Variants in ATG4A observed in about 807,000 individuals in gnomAD.
ATG4A encodes autophagy related 4A cysteine peptidase, also known as cysteine protease ATG4A.
In ATG4A, 22 loss-of-function variants were observed where a neutral mutation model predicts 38.4. That is an observed-to-expected ratio of 0.57 (90% CI 0.41 to 0.82). The LOEUF is 0.82. Ranked by LOEUF, ATG4A falls within the 40% of genes least tolerant of loss-of-function variation. The pLI, the probability that ATG4A is intolerant of heterozygous loss-of-function variation, is 0.00. For synonymous variants in ATG4A, 86 were observed against 100.7 expected (o/e 0.85, Z 0.88); for missense variants, 220 against 290.0 (o/e 0.76, Z 1.75).
At chrX:108,131,761 C>T (rs1296653522) in intron 4 of ATG4A, among the ~76,000 whole-genome samples, 2 of 112,037 alleles carry the variant, frequency 1.8e-5, no homozygotes, top group South Asian at 7.5e-4. Flanking sequence ...TGTAAGTGAC[C>T]TAAAGGAAGT....
chrX:108,151,275 C>T (rs755719781), intron 10 of ATG4A, among the ~76,000 whole-genome samples: 3 of 111,846 alleles, frequency 2.7e-5, no homozygotes, highest in Admixed American at 1.9e-4. Flanking sequence ...GTCAGTATAC[C>T]AGTGACCAGG....
intron 9 of ATG4A, among the ~76,000 whole-genome samples, chrX:108,146,898 T>A (rs1485905267): frequency 2.7e-5 from 3 of 112,263 alleles, no homozygotes; most frequent in Non-Finnish European, 5.6e-5. Flanking sequence ...GCAGAGTCTC[T>A]AACATAGTGG....
At chrX:108,091,942 A>G (rs2031641730) in intron 1 of ATG4A, 106 bp downstream of exon 1, 1 of 1,133,925 alleles carries the variant, frequency 8.8e-7, no homozygotes, top group Non-Finnish European at 1.2e-6. Flanking sequence ...GCAGGGCAAG[A>G]GTTATGAGAG....
intron 7 of ATG4A, among the ~76,000 whole-genome samples, chrX:108,137,404 C>G (rs767392834): frequency 8.9e-6 from 1 of 112,560 alleles, no homozygotes; most frequent in Non-Finnish European, 1.9e-5. Flanking sequence ...GCAGAAAACA[C>G]AAAGTGTGTA....
In ATG4A at chrX:108,128,810, G is replaced by T. The variant is rs750481254; in HGVS notation, c.151G>T (p.Ala51Ser). 1.7e-6 allele frequency: 2 copies of T among 1,186,524 alleles called. No individual in the cohort carries two copies. Among genetic ancestry groups the T allele is most frequent in the Non-Finnish European group, 2.3e-6 (2 of 883,866 alleles). Reference protein sequence around the residue: ...EKSKLLSDISARLWFTYRRKF... With the variant: ...EKSKLLSDISSRLWFTYRRKF... ...ATCTAAGCTGTTGTCTGATATAAGTGCTCGTCTATGGTTTACATACAGAAG... is the reference window on the plus strand; with the variant it reads ...ATCTAAGCTGTTGTCTGATATAAGTTCTCGTCTATGGTTTACATACAGAAG... The change falls in exon 3 of 13, where the codon GCT becomes TCT. Residue 51 changes from alanine (A) to serine (S), a missense_variant. By Grantham distance (99) the Ala-to-Ser change is moderately conservative. Coordinates refer to ENST00000372232, the MANE Select transcript of ATG4A (RefSeq NM_052936.5).
intron 9 of ATG4A, among the ~76,000 whole-genome samples, chrX:108,147,526 C>T (rs1278866569): frequency 1.8e-5 from 2 of 111,383 alleles, no homozygotes; most frequent in Non-Finnish European, 3.8e-5. Flanking sequence ...TCTGTTTTTC[C>T]ACAATTTCAG....
chrX:108,114,754 G>A (rs2147980502), intron 1 of ATG4A, among the ~76,000 whole-genome samples: 1 of 102,439 alleles, frequency 9.8e-6, no homozygotes. Context: ...TCTCTAGTTA[G>A]AGGTTAGTTG....
At chrX:108,106,967 T>G (rs909474801) in intron 1 of ATG4A, among the ~76,000 whole-genome samples, 17 of 111,985 alleles carry the variant, frequency 1.5e-4, no homozygotes, top group African/African-American at 4.2e-4. Context: ...ATTAGCTTGA[T>G]TTAGCTATTC....
At chrX:108,103,990 G>A (rs1430395051) in intron 1 of ATG4A, among the ~76,000 whole-genome samples, 1 of 111,389 alleles carries the variant, frequency 9.0e-6, no homozygotes, top group Non-Finnish European at 1.9e-5. Flanking sequence ...GGGATTATAG[G>A]TGCCCGACAC....
intron 2 of ATG4A, among the ~76,000 whole-genome samples, chrX:108,126,424 G>A (rs1478853766): frequency 8.9e-6 from 1 of 111,783 alleles, no homozygotes; most frequent in African/African-American, 3.3e-5. Flanking sequence ...ATAGGTTTTT[G>A]CACAATTTGC....
chrX:108,112,833 C>T (rs966953561), intron 1 of ATG4A, among the ~76,000 whole-genome samples: 1 of 111,501 alleles, frequency 9.0e-6, no homozygotes, highest in Non-Finnish European at 1.9e-5. Flanking sequence ...GTGTCTTCCC[C>T]TGTACTAAAT....
intron 1 of ATG4A, among the ~76,000 whole-genome samples, chrX:108,119,237 T>C (rs2032587660): frequency 8.9e-6 from 1 of 111,829 alleles, no homozygotes; most frequent in South Asian, 3.7e-4. Flanking sequence ...TGCTATCCAA[T>C]ACGGTAACCA....
chrX:108,119,951 C>G (rs977480839), intron 1 of ATG4A, among the ~76,000 whole-genome samples: 2 of 112,166 alleles, frequency 1.8e-5, no homozygotes, highest in East Asian at 5.6e-4. Flanking sequence ...ACCATGGAAG[C>G]TTTCTTTTAA....
chrX:108,103,646 T>C (rs186462614), intron 1 of ATG4A, among the ~76,000 whole-genome samples: 3 of 111,852 alleles, frequency 2.7e-5, no homozygotes, highest in Admixed American at 1.9e-4. Context: ...TGTGTATCAT[T>C]TAAAGGGATT....
At chrX:108,134,442 T>G (rs747367634) in intron 6 of ATG4A, 31 bp downstream of exon 6, 6 of 1,158,738 alleles carry the variant, frequency 5.2e-6, no homozygotes, top group Non-Finnish European at 5.9e-6. Context: ...TCTGCCTTAT[T>G]CTGCTGTCTC....
At chrX:108,114,376 A>G (rs1239023295) in intron 1 of ATG4A, among the ~76,000 whole-genome samples, 1 of 111,862 alleles carries the variant, frequency 8.9e-6, no homozygotes, top group Non-Finnish European at 1.9e-5. Flanking sequence ...TAAAGAGCTT[A>G]AAAGTCTGGC....
Position 108,091,849 on chromosome X carries a change from G to C in ATG4A, c.10+13G>C. On this transcript the variant is annotated intron_variant, in intron 1 of 12. Coordinates refer to ENST00000372232, the MANE Select transcript of ATG4A (RefSeq NM_052936.5). ...AGAATGGAGTCAGGTACGGGGAGCG[G>C]CTTTGAGTGGAACCGTGTGAAAGAG... The C allele has an allele frequency of 8.3e-7, 1 of 1,211,516 alleles. No individual in the cohort carries two copies. Among genetic ancestry groups the C allele is most frequent in the Non-Finnish European group, 1.1e-6 (1 of 895,368 alleles).
rs372959407 is a variant in ATG4A, at chrX:108,127,856, A to C, written c.122-925A>C. Among the ~76,000 whole-genome samples, 9 of 112,234 alleles carry C rather than the reference A, an allele frequency of 8.0e-5. 1 individual carries two copies. Among genetic ancestry groups the C allele is most frequent in the African/African-American group, 2.9e-4 (9 of 30,945 alleles). On this transcript the variant is annotated intron_variant, in intron 2 of 12. Transcript: ENST00000372232. ...GACAGCCACATCTAAGTACAGATAA[A>C]AATGTGGAAGCCATATTTGTGGCCC...
At chrX:108,096,916 C>G in intron 1 of ATG4A, among the ~76,000 whole-genome samples, 1 of 110,840 alleles carries the variant, frequency 9.0e-6, no homozygotes, top group South Asian at 3.8e-4. Context: ...CTGTTAGGGT[C>G]TGACTCCCTT....
Sources: allele counts gnomAD v4.1 joint callset (sites outside exome capture counted in the v4.1 genomes callset), GRCh38; gene constraint gnomAD v4.1.1; transcripts MANE v1.5; gene names NCBI Gene and HGNC (gene_info 2026-07-23, HGNC 2026-07-21).